FABP3: variants seen among roughly 807,000 people sequenced by gnomAD.
The protein encoded by FABP3 is fatty acid-binding protein, heart.
In FABP3, 8 loss-of-function variants were observed where a neutral mutation model predicts 13.4. The observed-to-expected ratio is 0.60, with a 90% CI of 0.35 to 1.07. FABP3 has a LOEUF of 1.07. Ranked by LOEUF, FABP3 falls within the 50% of genes least tolerant of loss-of-function variation. FABP3 has a pLI of 0.02. For missense variants in FABP3, 135 were observed against 164.7 expected, an observed-to-expected ratio of 0.82 and a Z score of 0.99; for synonymous variants, 64 against 60.0, an observed-to-expected ratio of 1.07 and a Z score of -0.31.
intron 1 of FABP3, among the ~76,000 whole-genome samples, chr1:31,371,962 CCTT>C (rs1423313333): frequency 6.6e-6 from 1 of 152,134 alleles, no homozygotes; most frequent in Non-Finnish European, 1.5e-5. Context: ...GATCTAGAAA[CCTT>C]AGATTTTCAT....
chr1:31,366,626 G>A (rs1273871772), intron 3 of FABP3, among the ~76,000 whole-genome samples: 2 of 152,348 alleles, frequency 1.3e-5, no homozygotes, highest in East Asian at 3.9e-4. Context: ...CTGAGGCCCT[G>A]TGGTTAGGCA....
chr1:31,361,926 C>T (rs971237142), downstream of FABP3, among the ~76,000 whole-genome samples: 1 of 152,140 alleles, frequency 6.6e-6, no homozygotes, highest in East Asian at 1.9e-4. Context: ...ATCCTCCCAC[C>T]TCAGCTTCCT....
the FABP3 span, among the ~76,000 whole-genome samples, chr1:31,359,685 T>G: frequency 6.6e-6 from 1 of 152,218 alleles, no homozygotes; most frequent in Non-Finnish European, 1.5e-5. Context: ...GACTAGCTGC[T>G]CTAACAAGGG....
At chr1:31,371,671 C>T (rs185752702) in intron 1 of FABP3, among the ~76,000 whole-genome samples, 2 of 152,314 alleles carry the variant, frequency 1.3e-5, no homozygotes, top group Admixed American at 1.3e-4. Flanking sequence ...TCAGCTCTGG[C>T]CCAGCTTTGG....
downstream of FABP3, chr1:31,364,203 G>C (rs1344698733): frequency 6.2e-7 from 1 of 1,610,952 alleles, no homozygotes; most frequent in Non-Finnish European, 8.5e-7. Flanking sequence ...AGAGTATAAA[G>C]AGTGTAGGGG....
chr1:31,361,787 T>C (rs547998463), downstream of FABP3, among the ~76,000 whole-genome samples: 16 of 50,820 alleles, frequency 3.1e-4, 1 homozygote, highest in South Asian at 0.015. Flanking sequence ...GAGGGGGAGA[T>C]TATTTATTTA....
downstream of FABP3, among the ~76,000 whole-genome samples, chr1:31,361,583 T>C (rs1639895850): frequency 6.6e-6 from 1 of 152,194 alleles, no homozygotes; most frequent in Non-Finnish European, 1.5e-5. Context: ...CTAATGACCA[T>C]ACCATGAGGC....
chr1:31,361,298 A>C (rs115030360), downstream of FABP3, among the ~76,000 whole-genome samples: 1,474 of 152,294 alleles, frequency 9.7e-3, 29 homozygotes, highest in African/African-American at 0.032. Context: ...TCTCCTGTAG[A>C]TGCTTGGCCA....
downstream of FABP3, among the ~76,000 whole-genome samples, chr1:31,361,506 A>G (rs1639892174): frequency 6.6e-6 from 1 of 152,250 alleles, no homozygotes; most frequent in African/African-American, 2.4e-5. Context: ...GTTCTAAGTC[A>G]CATAGTGAGT....
At chr1:31,367,158 A>C (rs1640127749) in intron 3 of FABP3, among the ~76,000 whole-genome samples, 1 of 152,170 alleles carries the variant, frequency 6.6e-6, no homozygotes, top group Non-Finnish European at 1.5e-5. Context: ...TTGCACTTGG[A>C]AAAGGTGATT....
intron 1 of FABP3, among the ~76,000 whole-genome samples, chr1:31,369,779 C>A (rs1640175741): frequency 6.6e-6 from 1 of 152,122 alleles, no homozygotes; most frequent in African/African-American, 2.4e-5. Flanking sequence ...AACAGCAGTG[C>A]CATAGCAAGT....
intron 2 of FABP3, 25 bp downstream of exon 2, chr1:31,369,360 C>T: frequency 2.5e-6 from 4 of 1,611,226 alleles, no homozygotes; most frequent in Non-Finnish European, 3.4e-6. Context: ...ACTCTCCATT[C>T]CCCACCCCTG....
At chr1:31,360,416 A>C (rs1639833065), downstream of FABP3, among the ~76,000 whole-genome samples, 1 of 152,164 alleles carries the variant, frequency 6.6e-6, no homozygotes, top group Non-Finnish European at 1.5e-5. Context: ...TGATCCACCC[A>C]CCTTGGCCTC....
Position 31,368,044 on chromosome 1 carries a change from C to G in FABP3, c.247-550G>C, listed in dbSNP as rs532211380. Among the ~76,000 whole-genome samples, 4 of 152,306 alleles carry G rather than the reference C, an allele frequency of 2.6e-5. No homozygotes were observed. The East Asian group carries it at 7.7e-4, about 29-fold the overall frequency. On this transcript the variant is annotated intron_variant, in intron 2 of 3. Coordinates refer to ENST00000373713, the MANE Select transcript of FABP3 (RefSeq NM_004102.5). Reference sequence around the variant, plus strand: ...GGTCCACATCATGTGACCTCTTTAGCCAACAAGAGGGCAGCAACCACAAAG... The same window carrying G: ...GGTCCACATCATGTGACCTCTTTAGGCAACAAGAGGGCAGCAACCACAAAG...
chr1:31,364,105 G>T, downstream of FABP3: 5 of 1,613,836 alleles, frequency 3.1e-6, no homozygotes, highest in Non-Finnish European at 4.2e-6. Flanking sequence ...AGTGATACAG[G>T]CAAGAGGGCA....
downstream of FABP3, chr1:31,363,909 C>T (rs1240160917): frequency 1.4e-6 from 2 of 1,415,574 alleles, no homozygotes; most frequent in East Asian, 2.5e-5. Flanking sequence ...GCATTCCTCC[C>T]ACCTCGGCTT....
At chr1:31,360,165 G>A in the FABP3 span, among the ~76,000 whole-genome samples, 16 of 150,552 alleles carry the variant, frequency 1.1e-4, 1 homozygote, top group South Asian at 3.0e-3. Flanking sequence ...TTGTGTGTGC[G>A]TGTTTTGTTT....
chr1:31,373,042 C>A lies in FABP3; in HGVS notation c.-28G>T. On this transcript the variant is annotated 5_prime_UTR_variant, in exon 1 of 4. Coordinates refer to ENST00000373713, the MANE Select transcript of FABP3 (RefSeq NM_004102.5). ...TGATGCTGGGCTAGGCTGAGAGAAGCTACAAGAGAGCAGGCGTGCAAGGGC... is the reference window on the plus strand; with the variant it reads ...TGATGCTGGGCTAGGCTGAGAGAAGATACAAGAGAGCAGGCGTGCAAGGGC... 6.2e-7 allele frequency: 1 copy of A among 1,612,336 alleles called. No homozygotes were observed. Among genetic ancestry groups the A allele is most frequent in the Non-Finnish European group, 8.5e-7 (1 of 1,178,704 alleles).
At position 31,365,624 on chromosome 1, in the gene FABP3, GT is replaced by G. The variant is rs1164261194; in HGVS notation, c.*261del. The G allele has an allele frequency of 2.3e-6, 1 of 433,572 alleles. No homozygotes were observed. The highest frequency in any genetic ancestry group is 4.3e-6 in the Non-Finnish European group (1 of 235,244). 26.9% of individuals were successfully genotyped at this position (433,572 alleles called of 1,614,324 possible). A position where few individuals can be genotyped will look rare whatever the true frequency, so the allele number is the denominator to read the frequency against. ...CACAGGATAAACCAAGACTCCCAGA[GT>G]TATGTTACCAAAGGCAAAAAGGCAA... On this transcript the variant is annotated 3_prime_UTR_variant, in exon 4 of 4. Transcript: ENST00000373713.
Sources: gnomAD v4.1 joint callset for allele counts (sites outside exome capture counted in the v4.1 genomes callset) on GRCh38, gnomAD v4.1.1 for gene constraint, MANE v1.5 for transcripts, NCBI Gene and HGNC (gene_info 2026-07-23, HGNC 2026-07-21) for gene names.